The following MBNL2 variants were observed in gnomAD, a reference collection of about 807,000 sequenced individuals.
MBNL2 encodes the protein muscleblind-like protein 2.
A neutral mutation model predicts 41.9 loss-of-function variants in MBNL2; 17 were observed. That is an observed-to-expected ratio of 0.41 (90% CI 0.28 to 0.61). The LOEUF (loss-of-function observed/expected upper bound fraction) is 0.61. Among genes scored for constraint, MBNL2 ranks in the 20% least tolerant of loss-of-function variants. The pLI, the probability that MBNL2 is intolerant of heterozygous loss-of-function variation, is 0.35. For missense variants in MBNL2, 336 were observed against 505.6 expected (o/e 0.66, Z 3.22); for synonymous variants, 195 against 182.9 (o/e 1.07, Z -0.53).
chr13:97,360,931 C>T (rs1034036562), intron 7 of MBNL2, among the ~76,000 whole-genome samples: 1 of 152,208 alleles, frequency 6.6e-6, no homozygotes, highest in Admixed American at 6.5e-5. Context: ...GTAAATGTTA[C>T]ATCAGATTAT....
Position 97,365,163 on chromosome 13 carries a change from C to T in MBNL2, c.1040C>T (p.Thr347Ile). ...TGSVLCMTPATSIDNSEIISR... is the reference protein window; with the variant it reads ...TGSVLCMTPAISIDNSEIISR... ...TCAGTTTTGTGCATGACACCCGCTA[C>T]CAGTATTGGTAGGTTTCAACCTTTT... Residue 347 changes from threonine (T) to isoleucine (I), a missense_variant, in exon 8 of 9, where the codon ACC becomes ATC. Physicochemically the swap from Thr to Ile is moderately conservative, Grantham distance 89. Transcript: ENST00000679496. The T allele has an allele frequency of 6.2e-7, 1 of 1,605,234 alleles. No homozygotes were observed. The highest frequency in any genetic ancestry group is 8.5e-7 in the Non-Finnish European group (1 of 1,171,984).
At chr13:97,354,220 G>C (rs931386713) in intron 5 of MBNL2, among the ~76,000 whole-genome samples, 1 of 152,056 alleles carries the variant, frequency 6.6e-6, no homozygotes, top group Non-Finnish European at 1.5e-5. Context: ...GCTTAAGGAG[G>C]ATCTTAGGAT....
chr13:97,165,287 G>C, the MBNL2 span, among the ~76,000 whole-genome samples: 1 of 152,128 alleles, frequency 6.6e-6, no homozygotes, highest in Non-Finnish European at 1.5e-5. Context: ...GAGGAGAAAT[G>C]AATGTTTTTA....
chr13:97,335,750 G>A (rs1023610258), intron 3 of MBNL2, among the ~76,000 whole-genome samples: 4 of 152,160 alleles, frequency 2.6e-5, no homozygotes, highest in Non-Finnish European at 5.9e-5. Context: ...CTTGTAAAGG[G>A]TGAGTAAGAA....
intron 4 of MBNL2, among the ~76,000 whole-genome samples, chr13:97,344,085 C>A (rs888365964): frequency 6.6e-6 from 1 of 152,216 alleles, no homozygotes; most frequent in Non-Finnish European, 1.5e-5. Context: ...GGATTACAGG[C>A]GTGAGCCACC....
chr13:97,342,555 C>A (rs2061522509), intron 3 of MBNL2, among the ~76,000 whole-genome samples: 1 of 152,150 alleles, frequency 6.6e-6, no homozygotes, highest in South Asian at 2.1e-4. Context: ...TTCCAAGTAA[C>A]CCCACTGTTT....
At chr13:97,237,784 A>G (rs1056770376) in intron 1 of MBNL2, among the ~76,000 whole-genome samples, 3 of 152,206 alleles carry the variant, frequency 2.0e-5, no homozygotes, top group African/African-American at 7.2e-5. Context: ...AGAGCCACCA[A>G]ATATTTTTAA....
chr13:97,357,860 AC>A (rs2063113079), intron 7 of MBNL2: 4 of 576,388 alleles, frequency 6.9e-6, no homozygotes, highest in Non-Finnish European at 1.2e-5. Context: ...GACAGATTTA[AC>A]CCATGAGAAA....
At chr13:97,341,865 TAGAC>T (rs1594237184) in intron 3 of MBNL2, among the ~76,000 whole-genome samples, 1 of 152,178 alleles carries the variant, frequency 6.6e-6, no homozygotes, top group Admixed American at 6.5e-5. Context: ...GGGTCATAAA[TAGAC>T]AAGAAGAATG....
At chr13:97,217,346 G>C (rs992369988), upstream of MBNL2, among the ~76,000 whole-genome samples, 2 of 152,230 alleles carry the variant, frequency 1.3e-5, no homozygotes, top group East Asian at 3.9e-4. Flanking sequence ...CTGATGAATA[G>C]GAAAGACATG....
At chr13:97,181,101 C>G in the MBNL2 span, among the ~76,000 whole-genome samples, 18 of 151,934 alleles carry the variant, frequency 1.2e-4, no homozygotes, top group African/African-American at 3.4e-4. Flanking sequence ...CTCTCCCCCC[C>G]ACCTTCTCTG....
chr13:97,176,536 A>G, the MBNL2 span, among the ~76,000 whole-genome samples: 1 of 152,158 alleles, frequency 6.6e-6, no homozygotes, highest in Non-Finnish European at 1.5e-5. Context: ...CCGGAGCATT[A>G]TACTCCTCTA....
chr13:97,152,939 A>G, the MBNL2 span, among the ~76,000 whole-genome samples: 6 of 152,264 alleles, frequency 3.9e-5, no homozygotes, highest in Admixed American at 1.3e-4. Context: ...AATCTAGAGA[A>G]TATTAACTCT....
chr13:97,341,983 A>T (rs2061476871), intron 3 of MBNL2, among the ~76,000 whole-genome samples: 1 of 152,214 alleles, frequency 6.6e-6, no homozygotes, highest in African/African-American at 2.4e-5. Flanking sequence ...CTGCATTAAT[A>T]TGTAATTGCA....
the MBNL2 span, among the ~76,000 whole-genome samples, chr13:97,180,777 G>T: frequency 6.8e-6 from 1 of 147,730 alleles, no homozygotes; most frequent in Non-Finnish European, 1.5e-5. Context: ...TGTTGTACCA[G>T]TTCCTATCAC....
At chr13:97,361,758 A>ATTT (rs71117641) in intron 7 of MBNL2, among the ~76,000 whole-genome samples, 8 of 56,366 alleles carry the variant, frequency 1.4e-4, no homozygotes, top group African/African-American at 4.1e-4. Flanking sequence ...TATAGGCGTA[A>ATTT]TTTTTTTTTT....
At chr13:97,315,367 C>T (rs1366981862) in intron 2 of MBNL2, among the ~76,000 whole-genome samples, 1 of 152,178 alleles carries the variant, frequency 6.6e-6, no homozygotes, top group Non-Finnish European at 1.5e-5. Context: ...AGCACTTGCT[C>T]TCTTCCAGGC....
At chr13:97,160,807 G>A in the MBNL2 span, among the ~76,000 whole-genome samples, 4 of 151,966 alleles carry the variant, frequency 2.6e-5, no homozygotes, top group East Asian at 1.9e-4. Context: ...TTCTGAAGAG[G>A]GATTTATTTT....
intron 1 of MBNL2, among the ~76,000 whole-genome samples, chr13:97,243,492 G>A (rs923646679): frequency 6.6e-6 from 1 of 152,112 alleles, no homozygotes; most frequent in African/African-American, 2.4e-5. Context: ...GGTAGTAGGG[G>A]TAGGGGACAG....
Sources: allele counts gnomAD v4.1 joint callset (sites outside exome capture counted in the v4.1 genomes callset), GRCh38; gene constraint gnomAD v4.1.1; transcripts MANE v1.5; gene names NCBI Gene and HGNC (gene_info 2026-07-23, HGNC 2026-07-21).